The following SUCLG2 variants were observed in gnomAD, a reference collection of about 807,000 sequenced individuals.
The protein encoded by SUCLG2 is succinate--CoA ligase [GDP-forming] subunit beta, mitochondrial.
Under a neutral mutation model 47.9 loss-of-function variants are expected in SUCLG2, and 42 were observed. That is an observed-to-expected ratio of 0.88 (90% CI 0.69 to 1.14). SUCLG2 has a LOEUF of 1.14. SUCLG2 is among the 50% of genes most tolerant of loss of function. The pLI is 0.00. For synonymous variants in SUCLG2, 195 were observed against 197.3 expected (o/e 0.99, Z 0.10); for missense variants, 571 against 525.9 (o/e 1.09, Z -0.84).
chr3:67,391,046 A>G (rs1456417689), intron 10 of SUCLG2, among the ~76,000 whole-genome samples: 1 of 152,204 alleles, frequency 6.6e-6, no homozygotes, highest in Non-Finnish European at 1.5e-5. Context: ...CGTTTCTCTT[A>G]GCCAAATCTT....
At chr3:67,421,522 G>A (rs941763951) in intron 9 of SUCLG2, among the ~76,000 whole-genome samples, 1 of 152,152 alleles carries the variant, frequency 6.6e-6, no homozygotes, top group Admixed American at 6.5e-5. Flanking sequence ...AACATCACCT[G>A]TTAGAAAATC....
At chr3:67,601,537 C>T (rs1206903056) in intron 2 of SUCLG2, among the ~76,000 whole-genome samples, 1 of 152,094 alleles carries the variant, frequency 6.6e-6, no homozygotes, top group Non-Finnish European at 1.5e-5. Flanking sequence ...CCATAAAGTA[C>T]CCTCTGAACT....
chr3:67,448,233 T>C (rs1703973883), intron 9 of SUCLG2, among the ~76,000 whole-genome samples: 1 of 152,234 alleles, frequency 6.6e-6, no homozygotes, highest in African/African-American at 2.4e-5. Flanking sequence ...ATTCATTTTA[T>C]GGAATGCAGT....
chr3:67,510,311 CA>C (rs1705752079), intron 6 of SUCLG2, among the ~76,000 whole-genome samples: 1 of 152,192 alleles, frequency 6.6e-6, no homozygotes. Flanking sequence ...CACCTACAAA[CA>C]TTTTTAAATC....
At chr3:67,627,396 G>C (rs186431865) in intron 1 of SUCLG2, among the ~76,000 whole-genome samples, 171 of 152,228 alleles carry the variant, frequency 1.1e-3, no homozygotes, top group African/African-American at 3.6e-3. Context: ...ACTTTTACTT[G>C]GATATTTCAC....
intron 9 of SUCLG2, among the ~76,000 whole-genome samples, chr3:67,418,245 A>G (rs1412420695): frequency 6.6e-6 from 1 of 152,236 alleles, no homozygotes; most frequent in Non-Finnish European, 1.5e-5. Flanking sequence ...TAAGCCCAGT[A>G]CGTGGCAAGT....
chr3:67,614,341 T>C (rs569232491), intron 1 of SUCLG2, among the ~76,000 whole-genome samples: 4 of 151,916 alleles, frequency 2.6e-5, no homozygotes, highest in Non-Finnish European at 4.4e-5. Context: ...TAACAGCATC[T>C]CCTCTGAAGC....
intron 1 of SUCLG2, among the ~76,000 whole-genome samples, chr3:67,626,486 C>T (rs561710939): frequency 1.2e-4 from 18 of 152,170 alleles, no homozygotes; most frequent in Non-Finnish European, 2.1e-4. Flanking sequence ...CTGGCAGTCA[C>T]TGGTGACAGG....
intron 9 of SUCLG2, among the ~76,000 whole-genome samples, chr3:67,417,977 G>A (rs1320599034): frequency 4.6e-5 from 7 of 152,072 alleles, no homozygotes; most frequent in Non-Finnish European, 1.0e-4. Flanking sequence ...TGGTTCCTGA[G>A]GCCAAAAAGA....
intron 9 of SUCLG2, among the ~76,000 whole-genome samples, chr3:67,477,134 A>G (rs1041054108): frequency 2.6e-5 from 4 of 152,170 alleles, no homozygotes; most frequent in Admixed American, 1.3e-4. Flanking sequence ...CTCCTTCTCA[A>G]AGTGGCCGCA....
rs772439324 is a variant in SUCLG2, at chr3:67,462,745, C to T, written c.1062+33053G>A. ...GGTCATGGGAAACCCAATTTATAGC[C>T]GGTTGGTGAGAAACACAGGTAAAAC... is the stretch of plus-strand genomic sequence containing the variant. On this transcript the variant is annotated intron_variant, in intron 9 of 10. Transcript: ENST00000307227. Among the ~76,000 whole-genome samples, 55 of 152,182 alleles carry T rather than the reference C, an allele frequency of 3.6e-4. 1 individual carries two copies. The highest frequency in any genetic ancestry group is 6.2e-4 in the Non-Finnish European group (42 of 68,032).
intron 2 of SUCLG2, among the ~76,000 whole-genome samples, chr3:67,533,867 C>T (rs13087877): frequency 0.048 from 7,327 of 152,240 alleles, 230 homozygotes; most frequent in African/African-American, 0.089. Flanking sequence ...ATCTTTGAGA[C>T]TGAAATAATT....
intron 9 of SUCLG2, among the ~76,000 whole-genome samples, chr3:67,490,855 G>A (rs556747023): frequency 5.2e-4 from 79 of 152,254 alleles, no homozygotes; most frequent in African/African-American, 1.9e-3. Context: ...CATTAGTCAT[G>A]ACAGAAAGGC....
At chr3:67,462,175 C>T (rs1164144231) in intron 9 of SUCLG2, among the ~76,000 whole-genome samples, 1 of 152,146 alleles carries the variant, frequency 6.6e-6, no homozygotes, top group Admixed American at 6.5e-5. Flanking sequence ...CTCTCTCTCT[C>T]TCTCTCTGAA....
At chr3:67,527,926 T>C (rs949312717) in intron 4 of SUCLG2, among the ~76,000 whole-genome samples, 11 of 152,192 alleles carry the variant, frequency 7.2e-5, no homozygotes, top group Non-Finnish European at 1.6e-4. Flanking sequence ...ATGCTAATGA[T>C]AATAAATAAT....
At chr3:67,410,593 A>C (rs1316746393) in intron 9 of SUCLG2, among the ~76,000 whole-genome samples, 1 of 152,192 alleles carries the variant, frequency 6.6e-6, no homozygotes, top group Non-Finnish European at 1.5e-5. Context: ...AGAATGGCAA[A>C]TGCAACGTTC....
At chr3:67,478,864 G>A (rs1704837041) in intron 9 of SUCLG2, among the ~76,000 whole-genome samples, 1 of 152,328 alleles carries the variant, frequency 6.6e-6, no homozygotes, top group African/African-American at 2.4e-5. Context: ...GCACTAAAAT[G>A]TATGGGTCAC....
At chr3:67,591,682 T>C (rs570008693) in intron 2 of SUCLG2, among the ~76,000 whole-genome samples, 2 of 152,308 alleles carry the variant, frequency 1.3e-5, no homozygotes, top group South Asian at 4.1e-4. Context: ...GTAAGTCCAA[T>C]TAAATCTTTT....
In SUCLG2 at chr3:67,415,017, A is replaced by G. The variant is rs1467826495; in HGVS notation, c.1063-14166T>C. Among the ~76,000 whole-genome samples, 4 of 152,182 alleles carry G rather than the reference A, an allele frequency of 2.6e-5. No individual in the cohort carries two copies. In the South Asian group the frequency reaches 8.3e-4, roughly 32 times the overall value. ...ACAGGCATCTGCCACATGCCCAGCTAATTTTTAAAAAAGTTTTTGGTAGAG... is the reference window on the plus strand; with the variant it reads ...ACAGGCATCTGCCACATGCCCAGCTGATTTTTAAAAAAGTTTTTGGTAGAG... On this transcript the variant is annotated intron_variant, in intron 9 of 10. Coordinates refer to ENST00000307227, the MANE Select transcript of SUCLG2 (RefSeq NM_003848.4).
Sources: allele counts gnomAD v4.1 joint callset (sites outside exome capture counted in the v4.1 genomes callset), GRCh38; gene constraint gnomAD v4.1.1; transcripts MANE v1.5; gene names NCBI Gene and HGNC (gene_info 2026-07-23, HGNC 2026-07-21).